OPCML: variants seen among roughly 807,000 people sequenced by gnomAD.
The protein encoded by OPCML is opioid-binding protein/cell adhesion molecule.
In OPCML, 13 loss-of-function variants were observed where a neutral mutation model predicts 37.8. The observed-to-expected ratio is 0.34, with a 90% CI of 0.22 to 0.55. The LOEUF (loss-of-function observed/expected upper bound fraction) is 0.55. Ranked by LOEUF, OPCML falls within the 20% of genes least tolerant of loss-of-function variation. The probability of loss-of-function intolerance (pLI) is 0.91; values close to 1 mark genes in which losing one functional copy is unlikely to be tolerated. For synonymous variants in OPCML, 176 were observed against 168.8 expected, an observed-to-expected ratio of 1.04 and a Z score of -0.33; for missense variants, 341 against 435.6, an observed-to-expected ratio of 0.78 and a Z score of 1.93.
At chr11:132,748,258 G>A (rs550605996) in intron 2 of OPCML, among the ~76,000 whole-genome samples, 3 of 152,134 alleles carry the variant, frequency 2.0e-5, no homozygotes, top group East Asian at 1.9e-4. Context: ...TAGCCATATC[G>A]ACCCTGCTTC....
chr11:132,513,928 C>T (rs1471135693), intron 4 of OPCML, among the ~76,000 whole-genome samples: 1 of 152,144 alleles, frequency 6.6e-6, no homozygotes, highest in Non-Finnish European at 1.5e-5. Flanking sequence ...CTGTTTCAAA[C>T]ACAGTACATA....
chr11:133,251,368 G>T (rs1197663482), intron 1 of OPCML, among the ~76,000 whole-genome samples: 1 of 152,048 alleles, frequency 6.6e-6, no homozygotes, highest in Non-Finnish European at 1.5e-5. Flanking sequence ...ATGTTGAAAT[G>T]GAGCCAATCG....
chr11:133,153,556 CCTTT>C (rs1950016921), intron 1 of OPCML, among the ~76,000 whole-genome samples: 1 of 152,130 alleles, frequency 6.6e-6, no homozygotes, highest in African/African-American at 2.4e-5. Flanking sequence ...CGAGAGCTGG[CCTTT>C]CTGACACTAG....
At chr11:132,599,081 T>A (rs1937645156) in intron 3 of OPCML, among the ~76,000 whole-genome samples, 1 of 152,016 alleles carries the variant, frequency 6.6e-6, no homozygotes, top group Non-Finnish European at 1.5e-5. Context: ...GAGTTCAAGA[T>A]GAGCCTGGCC....
chr11:132,789,380 A>T (rs1199126124), intron 2 of OPCML, among the ~76,000 whole-genome samples: 1 of 152,262 alleles, frequency 6.6e-6, no homozygotes, highest in Non-Finnish European at 1.5e-5. Context: ...GCAGAAAAAT[A>T]GACTGCCAAT....
At chr11:132,885,429 C>T (rs148499115) in intron 2 of OPCML, among the ~76,000 whole-genome samples, 181 of 152,298 alleles carry the variant, frequency 1.2e-3, no homozygotes, top group African/African-American at 4.0e-3. Flanking sequence ...GGTCAAGAGA[C>T]ACAGAAAGAA....
At chr11:132,540,962 C>CA in intron 3 of OPCML, among the ~76,000 whole-genome samples, 1 of 152,264 alleles carries the variant, frequency 6.6e-6, no homozygotes, top group African/African-American at 2.4e-5. Flanking sequence ...CTTTCCCCCC[C>CA]GACTTGTAGG....
Position 132,848,825 on chromosome 11 carries a change from T to C in OPCML, c.146+94101A>G, listed in dbSNP as rs193085167. Among the ~76,000 whole-genome samples the C allele has an allele frequency of 1.1e-4, 17 of 152,360 alleles. No individual in the cohort carries two copies. In the East Asian group the frequency reaches 3.3e-3, roughly 29 times the overall value. On this transcript the variant is annotated intron_variant, in intron 2 of 7. Transcript: ENST00000524381. ...CTGCCTTTCATTTCCTATAGAATGG[T>C]AACAATGACACTTTTTCCTTTTTCA... is the stretch of plus-strand genomic sequence containing the variant.
chr11:132,796,824 G>A (rs759077786), intron 2 of OPCML, among the ~76,000 whole-genome samples: 2 of 152,092 alleles, frequency 1.3e-5, no homozygotes, highest in Admixed American at 6.5e-5. Flanking sequence ...GTGATCTGCC[G>A]TGATAGTGAG....
intron 1 of OPCML, among the ~76,000 whole-genome samples, chr11:133,347,610 A>G (rs941518471): frequency 2.6e-5 from 4 of 152,196 alleles, no homozygotes; most frequent in African/African-American, 9.6e-5. Flanking sequence ...AATTAAGACT[A>G]AAGATGAAAA....
chr11:132,853,564 A>T (rs528080076), intron 2 of OPCML, among the ~76,000 whole-genome samples: 69 of 152,314 alleles, frequency 4.5e-4, no homozygotes, highest in African/African-American at 1.6e-3. Context: ...ATTTTCAAAG[A>T]TTACTATCAC....
chr11:133,222,690 C>T (rs1344981288), intron 1 of OPCML, among the ~76,000 whole-genome samples: 1 of 152,000 alleles, frequency 6.6e-6, no homozygotes, highest in Non-Finnish European at 1.5e-5. Context: ...CTGTCTTCAT[C>T]TATTATTCAG....
intron 1 of OPCML, among the ~76,000 whole-genome samples, chr11:133,391,326 G>C (rs1370633606): frequency 6.6e-6 from 1 of 152,122 alleles, no homozygotes; most frequent in Admixed American, 6.5e-5. Flanking sequence ...TCCCTTTGGG[G>C]ACTCCTGTCA....
At chr11:132,524,765 C>T (rs1049179972) in intron 4 of OPCML, among the ~76,000 whole-genome samples, 12 of 152,136 alleles carry the variant, frequency 7.9e-5, no homozygotes, top group Admixed American at 3.3e-4. Context: ...CAGCAGCTTA[C>T]GCAGTCTACA....
intron 2 of OPCML, among the ~76,000 whole-genome samples, chr11:132,705,626 G>A (rs999380239): frequency 1.3e-5 from 2 of 151,968 alleles, no homozygotes; most frequent in African/African-American, 2.4e-5. Flanking sequence ...AAATTGTACG[G>A]CAATTCCCCC....
At chr11:133,128,497 T>C (rs1408080196) in intron 1 of OPCML, among the ~76,000 whole-genome samples, 5 of 152,180 alleles carry the variant, frequency 3.3e-5, no homozygotes, top group Admixed American at 3.3e-4. Context: ...AGTTCTCCAC[T>C]CCACAAAATG....
chr11:133,154,234 AAT>A (rs1002557090), intron 1 of OPCML, among the ~76,000 whole-genome samples: 1 of 150,000 alleles, frequency 6.7e-6, no homozygotes, highest in Non-Finnish European at 1.5e-5. Flanking sequence ...AAAAAAAAAA[AAT>A]TGAGGAAGTT....
chr11:132,462,192 G>C (rs2096104479), intron 4 of OPCML, among the ~76,000 whole-genome samples: 1 of 152,118 alleles, frequency 6.6e-6, no homozygotes, highest in African/African-American at 2.4e-5. Flanking sequence ...ATTACTTGCT[G>C]GTGGGAAGAA....
At chr11:133,169,197 C>A (rs1950255056) in intron 1 of OPCML, among the ~76,000 whole-genome samples, 1 of 152,090 alleles carries the variant, frequency 6.6e-6, no homozygotes, top group Non-Finnish European at 1.5e-5. Flanking sequence ...GATAAAGAAA[C>A]TGGGGCACAG....
Sources: allele counts gnomAD v4.1 joint callset (sites outside exome capture counted in the v4.1 genomes callset), GRCh38; gene constraint gnomAD v4.1.1; transcripts MANE v1.5; gene names NCBI Gene and HGNC (gene_info 2026-07-23, HGNC 2026-07-21).